ING5: variants seen among roughly 807,000 people sequenced by gnomAD.
ING5 encodes the protein inhibitor of growth family member 5, also known as inhibitor of growth protein 5.
Under a neutral mutation model 37.4 loss-of-function variants are expected in ING5, and 17 were observed. The ratio of observed to expected loss-of-function variants is 0.45; its 90% CI spans 0.31 to 0.68. The LOEUF (loss-of-function observed/expected upper bound fraction) is 0.68, where lower values mean the gene tolerates loss of function less well. Among genes scored for constraint, ING5 ranks in the 30% least tolerant of loss-of-function variants. The pLI is 0.05. For missense variants in ING5, 233 were observed against 311.9 expected, an observed-to-expected ratio of 0.75 and a Z score of 1.91; for synonymous variants, 123 against 116.6, an observed-to-expected ratio of 1.06 and a Z score of -0.36.
At chr2:241,692,295 ATTTT>A (rs564724566) in intron 2 of ING5, among the ~76,000 whole-genome samples, 2 of 149,386 alleles carry the variant, frequency 1.3e-5, no homozygotes, top group Non-Finnish European at 3.0e-5. Context: ...TCCCTTTGAG[ATTTT>A]TTTTTTATTT....
At chr2:241,718,124 C>T (rs1005479795) in intron 5 of ING5, among the ~76,000 whole-genome samples, 3 of 151,726 alleles carry the variant, frequency 2.0e-5, no homozygotes, top group Non-Finnish European at 2.9e-5. Context: ...GCCATTCTCC[C>T]GCCTCAGCCT....
upstream of ING5, among the ~76,000 whole-genome samples, chr2:241,699,912 G>C (rs1438335764): frequency 6.6e-6 from 1 of 152,170 alleles, no homozygotes; most frequent in African/African-American, 2.4e-5. Flanking sequence ...GGTGAGCACT[G>C]CATGATGATG....
rs1285779080 is a variant in ING5 at position 241,709,288 on chromosome 2, G to A, written c.182G>A (p.Arg61His). 16 of 1,614,124 alleles carry A rather than the reference G, an allele frequency of 9.9e-6. No homozygotes were observed. The highest frequency in any genetic ancestry group is 1.3e-5 in the Non-Finnish European group (15 of 1,180,022). The change falls in exon 3 of 8, where the codon CGC becomes CAC. Residue 61 changes from arginine (R) to histidine (H), a missense_variant. Arg to His is a conservative substitution (Grantham distance 29). This residue lies in a region of ING5 where 93 missense variants were observed against 99.7 expected (regional missense o/e 0.93). Coordinates refer to ENST00000313552, the MANE Select transcript of ING5 (RefSeq NM_032329.6). Reference sequence around the variant, plus strand: ...GTGAAGACGCTGTCTCCAGACCAGCGCGTGGAGCGCCTGCAGAAGATCCAG... The same window carrying A: ...GTGAAGACGCTGTCTCCAGACCAGCACGTGGAGCGCCTGCAGAAGATCCAG... ...STVKTLSPDQ[R>H]VERLQKIQNA... is the part of the protein sequence containing the mutation.
chr2:241,713,852 A>G (rs2124923595), intron 5 of ING5, among the ~76,000 whole-genome samples: 1 of 152,094 alleles, frequency 6.6e-6, no homozygotes, highest in East Asian at 1.9e-4. Context: ...TTAGCTGAGT[A>G]GTTGGCAGCT....
In ING5 at chr2:241,702,108, C is replaced by T; in HGVS notation, c.37+6C>T. ...CTTGGAGCACTATCTGGACAGTAAG[C>T]GCGCCCCACGGGCCCCGCGCCCGCC... is the stretch of plus-strand genomic sequence containing the variant. On this transcript the variant is annotated splice_donor_region_variant and intron_variant, in intron 1 of 7. Coordinates refer to ENST00000313552, the MANE Select transcript of ING5 (RefSeq NM_032329.6). The T allele has an allele frequency of 7.5e-7, 1 of 1,331,006 alleles. No individual in the cohort carries two copies. The highest frequency in any genetic ancestry group is 1.8e-5 in the South Asian group (1 of 56,674). 82.4% of individuals were successfully genotyped at this position (1,331,006 alleles called of 1,614,324 possible). A position where few individuals can be genotyped will look rare whatever the true frequency, so the allele number is the denominator to read the frequency against.
intron 5 of ING5, among the ~76,000 whole-genome samples, chr2:241,717,786 A>G (rs2070316822): frequency 6.7e-6 from 1 of 149,218 alleles, no homozygotes; most frequent in African/African-American, 2.5e-5. Flanking sequence ...TTTTGTGTAT[A>G]TTTTGCGTGG....
intron 7 of ING5, 101 bp downstream of exon 7, chr2:241,723,372 T>A: frequency 7.7e-7 from 1 of 1,301,818 alleles, no homozygotes; most frequent in Non-Finnish European, 1.1e-6. Flanking sequence ...CTTGCCGGGC[T>A]TAGCGGGACA....
chr2:241,707,900 TTTTC>T (rs1461101933), intron 2 of ING5, among the ~76,000 whole-genome samples: 1 of 152,018 alleles, frequency 6.6e-6, no homozygotes, highest in East Asian at 1.9e-4. Context: ...TTAACAGTAG[TTTTC>T]TTTTTTTTTT....
At chr2:241,690,001 G>A (rs1183522163) in exon 2 of ING5, 2 of 152,142 alleles carry the variant, frequency 1.3e-5, no homozygotes, top group Non-Finnish European at 2.9e-5. Context: ...CCGGGGCTGG[G>A]CAAGGCTGCG....
Position 241,706,641 on chromosome 2 carries a change from AAAG to A in ING5, c.109+1920_109+1922del, listed in dbSNP as rs2069921738. Among the ~76,000 whole-genome samples the A allele has an allele frequency of 5.9e-5, 9 of 151,706 alleles. No homozygotes were observed. The South Asian group carries it at 1.9e-3, about 32-fold the overall frequency. ...ACTCCATCTCAAAAAAAAAAAAAAA[AAAG>A]AAAAAAAGGAAGGTAGATTTTCTTG... On this transcript the variant is annotated intron_variant, in intron 2 of 7. Coordinates refer to ENST00000313552, the MANE Select transcript of ING5 (RefSeq NM_032329.6).
intron 2 of ING5, among the ~76,000 whole-genome samples, chr2:241,695,474 T>A (rs1277755078): frequency 6.6e-6 from 1 of 152,090 alleles, no homozygotes; most frequent in East Asian, 1.9e-4. Flanking sequence ...GATCACAAGG[T>A]CAGGAGTTCA....
At chr2:241,699,033 T>G (rs1302944184), upstream of ING5, among the ~76,000 whole-genome samples, 2 of 134,100 alleles carry the variant, frequency 1.5e-5, no homozygotes, top group Non-Finnish European at 3.1e-5. Context: ...AGCTGAATTT[T>G]TTTTTGGGGG....
At chr2:241,706,065 G>A (rs1324105132) in intron 2 of ING5, among the ~76,000 whole-genome samples, 1 of 152,090 alleles carries the variant, frequency 6.6e-6, no homozygotes, top group Non-Finnish European at 1.5e-5. Context: ...CCCCAGCTGG[G>A]CTTTTCCTTG....
In ING5 at chr2:241,725,526, C is replaced by G. The variant is rs1691584609; in HGVS notation, c.*495C>G. 1 of 152,240 alleles carries G rather than the reference C, an allele frequency of 6.6e-6. No individual in the cohort carries two copies. Among genetic ancestry groups the G allele is most frequent in the Non-Finnish European group, 1.5e-5 (1 of 68,208 alleles). 9.4% of individuals were successfully genotyped at this position (152,240 alleles called of 1,614,324 possible). On this transcript the variant is annotated 3_prime_UTR_variant, in exon 8 of 8. Coordinates refer to ENST00000313552, the MANE Select transcript of ING5 (RefSeq NM_032329.6). ...CTCCTCACACTCGGCTCCGCGCCGCCTCCGGCCACCGTGCGCTCCCGCGTG... is the reference window on the plus strand; with the variant it reads ...CTCCTCACACTCGGCTCCGCGCCGCGTCCGGCCACCGTGCGCTCCCGCGTG...
At position 241,712,083 on chromosome 2, in the gene ING5, TC is replaced by T. The variant is rs1254158731; in HGVS notation, c.482+16del. ...AAGCACAAAGGAGGGTAAGAGGCTT[TC>T]CCCTCTTTTTCCCAAAAGAACGAAT... On this transcript the variant is annotated intron_variant, in intron 5 of 7. Coordinates refer to ENST00000313552, the MANE Select transcript of ING5 (RefSeq NM_032329.6). The T allele has an allele frequency of 6.3e-7, 1 of 1,576,768 alleles. No individual in the cohort carries two copies. The highest frequency in any genetic ancestry group is 8.6e-7 in the Non-Finnish European group (1 of 1,160,190).
At chr2:241,722,466 TGCCTGGGCCCGAAGGTGG>T in intron 5 of ING5, 1 of 985,386 alleles carries the variant, frequency 1.0e-6, no homozygotes, top group Non-Finnish European at 1.2e-6. Flanking sequence ...CCCATGCCCC[TGCCTGGGCCCGAAGGTGG>T]GCGCGAGGTC....
intron 7 of ING5, among the ~76,000 whole-genome samples, chr2:241,724,261 T>G (rs554089892): frequency 4.6e-5 from 7 of 152,164 alleles, no homozygotes; most frequent in Non-Finnish European, 1.0e-4. Flanking sequence ...CACGGTGTCA[T>G]GTGGCGTCAA....
Position 241,725,085 on chromosome 2 carries a change from G to A in ING5, c.*54G>A. ...CAAGTTAATCTGTCCCTTCATTCGTGTCGCAATATTTCCCTTCCTTTTAAA... is the reference window on the plus strand; with the variant it reads ...CAAGTTAATCTGTCCCTTCATTCGTATCGCAATATTTCCCTTCCTTTTAAA... On this transcript the variant is annotated 3_prime_UTR_variant, in exon 8 of 8. Transcript: ENST00000313552. The A allele has an allele frequency of 1.9e-6, 3 of 1,573,762 alleles. No homozygotes were observed. The highest frequency in any genetic ancestry group is 2.6e-6 in the Non-Finnish European group (3 of 1,143,106).
upstream of ING5, among the ~76,000 whole-genome samples, chr2:241,700,147 T>TA: frequency 7.6e-6 from 1 of 131,900 alleles, no homozygotes; most frequent in Non-Finnish European, 1.6e-5. Flanking sequence ...TATGCCCGGC[T>TA]AAGTTTTTTT....
Sources: allele counts gnomAD v4.1 joint callset (sites outside exome capture counted in the v4.1 genomes callset), GRCh38; gene constraint gnomAD v4.1.1; regional missense constraint gnomAD v4.1.1; transcripts MANE v1.5; gene names NCBI Gene and HGNC (gene_info 2026-07-23, HGNC 2026-07-21).